AGXT2: variants seen among roughly 807,000 people sequenced by gnomAD.
AGXT2 encodes the protein alanine--glyoxylate aminotransferase 2, also known as alanine--glyoxylate aminotransferase 2, mitochondrial.
AGXT2 carries 61 observed loss-of-function variants against 62.5 expected under a neutral mutation model. That is an observed-to-expected ratio of 0.98 (90% confidence interval 0.79 to 1.21). The LOEUF is 1.21. AGXT2 is among the 50% of genes most tolerant of loss of function. The pLI is 0.00. For synonymous variants in AGXT2, 243 were observed against 218.7 expected (o/e 1.11, Z -0.98); for missense variants, 666 against 641.5 (o/e 1.04, Z -0.41).
At chr5:35,044,443 T>C (rs774199295) in intron 1 of AGXT2, among the ~76,000 whole-genome samples, 2 of 152,206 alleles carry the variant, frequency 1.3e-5, no homozygotes, top group Non-Finnish European at 2.9e-5. Flanking sequence ...CAGCCTTCTC[T>C]GTGGAGGTCC....
Position 35,025,624 on chromosome 5 carries a change from A to G in AGXT2, c.963+139T>C, listed in dbSNP as rs1767305021. ...CAAATCAACCAGCCCACTAGCACAA[A>G]TTTCATTCATTTGTAGGCAAACTTT... On this transcript the variant is annotated intron_variant, in intron 9 of 13. Transcript: ENST00000231420. 5 of 839,826 alleles carry G rather than the reference A, an allele frequency of 6.0e-6. No homozygotes were observed. The East Asian group carries it at 1.1e-4, about 18-fold the overall frequency. 52.0% of individuals were successfully genotyped at this position (839,826 alleles called of 1,614,324 possible).
chr5:35,036,858 A>G, intron 4 of AGXT2, 84 bp downstream of exon 4: 1 of 1,597,550 alleles, frequency 6.3e-7, no homozygotes, highest in African/African-American at 1.3e-5. Flanking sequence ...CTAGAATCAT[A>G]AGACTCCTGT....
intron 2 of AGXT2, among the ~76,000 whole-genome samples, chr5:35,039,807 C>T (rs1016190891): frequency 4.6e-5 from 7 of 152,304 alleles, no homozygotes; most frequent in South Asian, 4.1e-4. Flanking sequence ...AAATAGACTT[C>T]GGAAGTAAAT....
chr5:35,040,760 T>G, intron 1 of AGXT2, 97 bp from the exon 2 acceptor site: 1 of 953,806 alleles, frequency 1.0e-6, no homozygotes, highest in Non-Finnish European at 1.7e-6. Context: ...CTTAGATAAT[T>G]TTATTTCTTA....
At chr5:34,998,882 T>A in intron 13 of AGXT2, 56 bp from the exon 14 acceptor site, 2 of 1,294,920 alleles carry the variant, frequency 1.5e-6, no homozygotes, top group Non-Finnish European at 2.2e-6. Context: ...AATATGACTT[T>A]GAGGAAATGC....
chr5:35,025,711 T>C, intron 9 of AGXT2, 52 bp downstream of exon 9: 1 of 1,566,590 alleles, frequency 6.4e-7, no homozygotes, highest in African/African-American at 1.3e-5. Context: ...GGTTTCTGTC[T>C]GTGCATCTCC....
In AGXT2 at chr5:35,013,027, G is replaced by A. The variant is rs1289298122; in HGVS notation, c.1115C>T (p.Ala372Val). ...ITTPEIAKSLAKCLQHFNTFG... is the reference protein window; with the variant it reads ...ITTPEIAKSLVKCLQHFNTFG... ...GGTGTTGAAGTGCTGCAGGCATTTC[G>A]CCAAAGATTTGGCAATCTCTAGAGG... is the stretch of plus-strand genomic sequence containing the variant. The change falls in exon 11 of 14, where the codon GCG (alanine) becomes GTG (valine). Residue 372 changes from alanine to valine, a missense_variant. By Grantham distance (64) the Ala-to-Val change is moderately conservative. Transcript: ENST00000231420. The A allele has an allele frequency of 7.1e-6, 11 of 1,551,626 alleles. No homozygotes were observed. Among genetic ancestry groups the A allele is most frequent in the South Asian group, 4.8e-5 (4 of 84,058 alleles).
At chr5:35,038,101 A>G (rs1475304474) in intron 3 of AGXT2, among the ~76,000 whole-genome samples, 1 of 152,242 alleles carries the variant, frequency 6.6e-6, no homozygotes, top group Non-Finnish European at 1.5e-5. Flanking sequence ...AGACTAGTGT[A>G]CGCTGTTTCT....
chr5:35,043,881 C>T (rs183451843), intron 1 of AGXT2, among the ~76,000 whole-genome samples: 2 of 151,982 alleles, frequency 1.3e-5, no homozygotes, highest in African/African-American at 2.4e-5. Flanking sequence ...TAGTAGAGAT[C>T]GGGTTTCTCC....
chr5:35,035,179 T>C lies in AGXT2; in HGVS notation c.581+43A>G, dbSNP rs1441284094. ...TAAAGCTACACATTTAGAATGGGGG[T>C]AAGTCAGTGTTCCTAAAGTTGAATA... On this transcript the variant is annotated intron_variant, in intron 5 of 13. Coordinates refer to ENST00000231420, the MANE Select transcript of AGXT2 (RefSeq NM_031900.4). 3.4e-6 allele frequency: 5 copies of C among 1,472,398 alleles called. No individual in the cohort carries two copies. The Admixed American group carries it at 8.4e-5, about 25-fold the overall frequency. 91.2% of individuals were successfully genotyped at this position (1,472,398 alleles called of 1,614,324 possible). A position where few individuals can be genotyped will look rare whatever the true frequency, so the allele number is the denominator to read the frequency against.
At chr5:35,002,660 C>G (rs1415413357) in intron 13 of AGXT2, among the ~76,000 whole-genome samples, 1 of 152,146 alleles carries the variant, frequency 6.6e-6, no homozygotes, top group Admixed American at 6.5e-5. Flanking sequence ...AGCGCCCTCA[C>G]CAGACACTGA....
chr5:35,025,325 C>G (rs752562326), intron 9 of AGXT2, among the ~76,000 whole-genome samples: 1 of 152,098 alleles, frequency 6.6e-6, no homozygotes, highest in Non-Finnish European at 1.5e-5. Flanking sequence ...TGCGGTGAGT[C>G]GAGATTGTAC....
At chr5:35,013,840 A>G in intron 10 of AGXT2, 147 bp downstream of exon 10, 5 of 1,235,102 alleles carry the variant, frequency 4.0e-6, no homozygotes, top group Non-Finnish European at 5.9e-6. Flanking sequence ...TCAGGCAGAC[A>G]GACTGTTTCT....
At chr5:35,015,253 G>C (rs1298604014) in intron 9 of AGXT2, among the ~76,000 whole-genome samples, 1 of 152,156 alleles carries the variant, frequency 6.6e-6, no homozygotes, top group Non-Finnish European at 1.5e-5. Context: ...GGCAGGGACT[G>C]TGTCTTATTC....
chr5:35,008,475 T>G (rs1766512103), intron 12 of AGXT2, among the ~76,000 whole-genome samples: 1 of 152,158 alleles, frequency 6.6e-6, no homozygotes, highest in African/African-American at 2.4e-5. Flanking sequence ...ACCCCTTGGG[T>G]GGAGATTAGG....
chr5:35,003,099 G>T (rs1766293469), intron 13 of AGXT2, among the ~76,000 whole-genome samples: 3 of 152,226 alleles, frequency 2.0e-5, no homozygotes, highest in Admixed American at 2.0e-4. Context: ...GGCAGTGTGT[G>T]CAGGGCAAGC....
Position 35,038,461 on chromosome 5 carries a change from C to T in AGXT2, c.362+863G>A, listed in dbSNP as rs571287549. ...TTGCATCTGAAATTTGTTTTGGATA[C>T]TTCTTGTGACTTTGCATGGGACTAA... On this transcript the variant is annotated intron_variant, in intron 3 of 13. Coordinates refer to ENST00000231420, the MANE Select transcript of AGXT2 (RefSeq NM_031900.4). Among the ~76,000 whole-genome samples the T allele has an allele frequency of 3.3e-5, 5 of 152,204 alleles. No homozygotes were observed. In the South Asian group the frequency reaches 1.0e-3, roughly 32 times the overall value.
chr5:35,017,857 C>T (rs1250905447), intron 9 of AGXT2, among the ~76,000 whole-genome samples: 1 of 151,954 alleles, frequency 6.6e-6, no homozygotes, highest in African/African-American at 2.4e-5. Context: ...TCTAGAATAA[C>T]CAATAAAGAG....
Position 35,034,730 on chromosome 5 carries a change from G to T in AGXT2, c.581+492C>A, listed in dbSNP as rs752749085. 1.1e-3 allele frequency among the ~76,000 whole-genome samples: 168 copies of T among 152,176 alleles called. 1 individual carries two copies. The highest frequency in any genetic ancestry group is 1.7e-3 in the Non-Finnish European group (119 of 68,036). ...ACTGAAAGAAGCAGAAATATACAGG[G>T]TTATATGTTCATCCTCTGAACTTAA... is the stretch of plus-strand genomic sequence containing the variant. On this transcript the variant is annotated intron_variant, in intron 5 of 13. Coordinates refer to ENST00000231420, the MANE Select transcript of AGXT2 (RefSeq NM_031900.4).
Sources: gnomAD v4.1 joint callset for allele counts (sites outside exome capture counted in the v4.1 genomes callset) on GRCh38, gnomAD v4.1.1 for gene constraint, MANE v1.5 for transcripts, NCBI Gene and HGNC (gene_info 2026-07-23, HGNC 2026-07-21) for gene names.